DUSP13B: variants seen among roughly 807,000 people sequenced by gnomAD.
DUSP13B encodes dual specificity protein phosphatase 13B.
At chr10:75,102,300 G>A in the DUSP13B span, among the ~76,000 whole-genome samples, 9 of 152,262 alleles carry the variant, frequency 5.9e-5, no homozygotes, top group Admixed American at 1.3e-4. Context: ...CAGGCTAGCC[G>A]GGCGTGGTGG....
the DUSP13B span, chr10:75,095,894 A>G: frequency 8.8e-7 from 1 of 1,133,208 alleles, no homozygotes; most frequent in East Asian, 2.4e-5. Flanking sequence ...CCCACCACCC[A>G]CCAAGGGTAG....
the DUSP13B span, chr10:75,099,296 G>A: frequency 6.5e-6 from 8 of 1,232,206 alleles, no homozygotes; most frequent in Non-Finnish European, 8.1e-6. Flanking sequence ...AAAGAAACAG[G>A]CACCCAGGAG....
the DUSP13B span, among the ~76,000 whole-genome samples, chr10:75,100,300 G>A: frequency 2.0e-5 from 3 of 152,086 alleles, no homozygotes; most frequent in East Asian, 1.9e-4. Flanking sequence ...TGGACTTAGC[G>A]CTATGCCTGG....
the DUSP13B span, chr10:75,098,900 C>T: frequency 2.7e-6 from 3 of 1,097,970 alleles, no homozygotes; most frequent in Admixed American, 4.3e-5. Context: ...GGGTTTTAGT[C>T]CATCCCCAAG....
At chr10:75,097,342 G>C in the DUSP13B span, among the ~76,000 whole-genome samples, 1 of 152,114 alleles carries the variant, frequency 6.6e-6, no homozygotes, top group African/African-American at 2.4e-5. Context: ...CTGAGTAGCT[G>C]TGATTGCAGG....
At chr10:75,107,492 A>G in the DUSP13B span, among the ~76,000 whole-genome samples, 2 of 152,330 alleles carry the variant, frequency 1.3e-5, no homozygotes, top group African/African-American at 4.8e-5. Context: ...CTCCTAACTC[A>G]TGGCATGACC....
At chr10:75,099,364 G>A in the DUSP13B span, 1 of 1,232,268 alleles carries the variant, frequency 8.1e-7, no homozygotes, top group Non-Finnish European at 1.0e-6. Flanking sequence ...CGGAAGTGAA[G>A]ACCAAGCTGT....
chr10:75,099,325 C>A, the DUSP13B span: 1 of 1,232,326 alleles, frequency 8.1e-7, no homozygotes. Flanking sequence ...CTTGGCCAGG[C>A]TCACCCAGTG....
the DUSP13B span, chr10:75,097,649 C>A: frequency 6.9e-7 from 1 of 1,444,682 alleles, no homozygotes; most frequent in South Asian, 1.5e-5. Context: ...GGCTCATGCC[C>A]CCATTCCCGT....
chr10:75,104,126 G>A, the DUSP13B span: 8 of 1,314,666 alleles, frequency 6.1e-6, no homozygotes, highest in Admixed American at 1.5e-4. Context: ...CTGTGTTACA[G>A]GCAGGTGAAC....
At chr10:75,102,530 G>A in the DUSP13B span, among the ~76,000 whole-genome samples, 9 of 152,360 alleles carry the variant, frequency 5.9e-5, no homozygotes, top group East Asian at 9.6e-4. Context: ...TCCCTTGGCC[G>A]GATGCAGTGG....
the DUSP13B span, among the ~76,000 whole-genome samples, chr10:75,100,227 C>A: frequency 6.6e-6 from 1 of 152,148 alleles, no homozygotes; most frequent in Non-Finnish European, 1.5e-5. Flanking sequence ...GCTGGTAGGC[C>A]ACAGTGCATG....
the DUSP13B span, chr10:75,107,963 GGGATATGGGCTT>G: frequency 6.3e-7 from 1 of 1,589,798 alleles, no homozygotes; most frequent in Admixed American, 1.8e-5. Context: ...TGAGCAAGAT[GGGATATGGGCTT>G]GGACCCCAAG....
chr10:75,104,284 CAG>C, the DUSP13B span, among the ~76,000 whole-genome samples: 4 of 152,182 alleles, frequency 2.6e-5, no homozygotes, highest in Non-Finnish European at 1.5e-5. Context: ...GGCTTAGGGA[CAG>C]AGATGACCTC....
the DUSP13B span, among the ~76,000 whole-genome samples, chr10:75,097,452 C>T: frequency 6.6e-6 from 1 of 152,202 alleles, no homozygotes; most frequent in Non-Finnish European, 1.5e-5. Flanking sequence ...TCAAGTGATC[C>T]ACCTGTCTTG....
At chr10:75,109,146 G>A in the DUSP13B span, 1 of 1,595,560 alleles carries the variant, frequency 6.3e-7, no homozygotes, top group Non-Finnish European at 8.5e-7. Context: ...CTGGGAGAGA[G>A]GTCTCAGCCA....
chr10:75,105,772 G>C, the DUSP13B span: 1 of 1,551,740 alleles, frequency 6.4e-7, no homozygotes, highest in Non-Finnish European at 8.7e-7. Context: ...GGTGATCACC[G>C]CCTGGCGCAG....
chr10:75,108,709 C>T, the DUSP13B span, among the ~76,000 whole-genome samples: 39,519 of 152,098 alleles, frequency 0.26, 5,680 homozygotes, highest in East Asian at 0.61. Flanking sequence ...TTATCTCATG[C>T]CCCAAATACT....
At chr10:75,108,022 A>C in the DUSP13B span, 1 of 1,613,368 alleles carries the variant, frequency 6.2e-7, no homozygotes, top group Admixed American at 1.7e-5. Context: ...CGGTGGATGA[A>C]GTCAGCCGCA....
Sources: allele counts gnomAD v4.1 joint callset (sites outside exome capture counted in the v4.1 genomes callset), GRCh38; gene constraint gnomAD v4.1.1; transcripts MANE v1.5; gene names NCBI Gene and HGNC (gene_info 2026-07-23, HGNC 2026-07-21).